The following FGGY variants were observed in gnomAD, a reference collection of about 807,000 sequenced individuals.
The protein encoded by FGGY is FGGY carbohydrate kinase domain containing, also known as FGGY carbohydrate kinase domain-containing protein.
Under a neutral mutation model 71.3 loss-of-function variants are expected in FGGY, and 72 were observed. That is an observed-to-expected ratio of 1.01 (90% CI 0.84 to 1.23). FGGY has a LOEUF of 1.23. Among genes scored for constraint, FGGY ranks in the 50% most tolerant of loss-of-function variants. The probability of loss-of-function intolerance (pLI) is 0.00; values close to 1 mark genes in which losing one functional copy is unlikely to be tolerated. For synonymous variants in FGGY, 251 were observed against 250.3 expected (o/e 1.00, Z -0.02); for missense variants, 668 against 682.3 (o/e 0.98, Z 0.23).
At chr1:59,304,263 A>G (rs1182968393) in intron 1 of FGGY, among the ~76,000 whole-genome samples, 2 of 152,044 alleles carry the variant, frequency 1.3e-5, no homozygotes, top group African/African-American at 4.8e-5. Context: ...TGTATAGTAT[A>G]AGGGTTCAAT....
rs532734870 is a variant in FGGY, at chr1:59,321,829, A to G, written c.201+79A>G. The stretch of plus-strand genomic sequence containing the variant: ...CGTGTGTCAATCTGGTGCCGTAAAC[A>G]ATGTTGGGGTAACTTTAGATGCAGA... On this transcript the variant is annotated intron_variant, in intron 2 of 15. Transcript: ENST00000303721. The G allele has an allele frequency of 6.3e-6, 9 of 1,431,394 alleles. No homozygotes were observed. In the South Asian group the frequency reaches 1.0e-4, roughly 16 times the overall value. The allele number at this position is 1,431,394 out of a possible 1,614,324, so 88.7% of individuals were successfully genotyped here.
intron 14 of FGGY, among the ~76,000 whole-genome samples, chr1:59,737,524 T>A (rs1017390722): frequency 6.6e-6 from 1 of 152,184 alleles, no homozygotes; most frequent in African/African-American, 2.4e-5. Flanking sequence ...AGACATGGAG[T>A]CAAAGGAGAT....
intron 9 of FGGY, among the ~76,000 whole-genome samples, chr1:59,623,452 C>T (rs1426148049): frequency 6.6e-6 from 1 of 152,124 alleles, no homozygotes; most frequent in Admixed American, 6.5e-5. Context: ...GTGGTAAGTG[C>T]CACCAAGGAG....
chr1:59,698,927 C>T (rs1184186043), intron 14 of FGGY: 2 of 985,242 alleles, frequency 2.0e-6, no homozygotes, highest in African/African-American at 3.5e-5. Context: ...ATGCTCCTAG[C>T]AGCCAGGTAT....
chr1:59,370,352 G>C (rs2057381088), intron 4 of FGGY, among the ~76,000 whole-genome samples: 1 of 152,056 alleles, frequency 6.6e-6, no homozygotes, highest in Admixed American at 6.6e-5. Flanking sequence ...GGGAAGTTTA[G>C]AGAAAAAAGA....
At chr1:59,417,909 G>A (rs916550116) in intron 5 of FGGY, among the ~76,000 whole-genome samples, 1 of 152,200 alleles carries the variant, frequency 6.6e-6, no homozygotes, top group Non-Finnish European at 1.5e-5. Flanking sequence ...CTCAGTTGCT[G>A]TGTGTGGATA....
intron 14 of FGGY, among the ~76,000 whole-genome samples, chr1:59,750,651 G>C (rs1466463066): frequency 6.6e-6 from 1 of 152,114 alleles, no homozygotes; most frequent in East Asian, 1.9e-4. Context: ...ATTCATGGGG[G>C]TTACACAGAA....
At chr1:59,636,171 G>A (rs1467847870) in intron 10 of FGGY, among the ~76,000 whole-genome samples, 2 of 152,020 alleles carry the variant, frequency 1.3e-5, no homozygotes, top group East Asian at 3.9e-4. Flanking sequence ...AGGGCGGTTG[G>A]GCTGCCCTCA....
intron 6 of FGGY, among the ~76,000 whole-genome samples, chr1:59,490,560 G>A (rs1038607911): frequency 1.3e-5 from 2 of 152,100 alleles, no homozygotes; most frequent in Non-Finnish European, 2.9e-5. Context: ...TTTGTTGCCT[G>A]TGCTTTTTAG....
chr1:59,707,431 G>C (rs1438115797), intron 14 of FGGY, among the ~76,000 whole-genome samples: 2 of 152,210 alleles, frequency 1.3e-5, no homozygotes, highest in Middle Eastern at 3.2e-3. Flanking sequence ...GTGTTTCTCA[G>C]GGTGAACAGA....
At chr1:59,427,409 C>T (rs1468644870) in intron 5 of FGGY, among the ~76,000 whole-genome samples, 1 of 152,148 alleles carries the variant, frequency 6.6e-6, no homozygotes, top group Admixed American at 6.5e-5. Flanking sequence ...TACTCATGAC[C>T]GAATGAGACA....
At chr1:59,375,118 G>C (rs2058434547) in intron 4 of FGGY, among the ~76,000 whole-genome samples, 1 of 151,226 alleles carries the variant, frequency 6.6e-6, no homozygotes, top group Admixed American at 6.6e-5. Flanking sequence ...AAAATGGCAG[G>C]GTGTGGTGGC....
At chr1:59,686,322 G>A (rs571254011) in intron 14 of FGGY, among the ~76,000 whole-genome samples, 1 of 152,118 alleles carries the variant, frequency 6.6e-6, no homozygotes, top group East Asian at 1.9e-4. Context: ...TACAAGCCTG[G>A]CATCAGAGAA....
intron 6 of FGGY, among the ~76,000 whole-genome samples, chr1:59,509,067 G>C (rs976679565): frequency 6.6e-6 from 1 of 152,200 alleles, no homozygotes; most frequent in Non-Finnish European, 1.5e-5. Context: ...CCTGGGAGGT[G>C]CATCACCTTG....
At chr1:59,428,831 T>C (rs1426834691) in intron 5 of FGGY, among the ~76,000 whole-genome samples, 1 of 152,178 alleles carries the variant, frequency 6.6e-6, no homozygotes, top group Non-Finnish European at 1.5e-5. Flanking sequence ...GAGTCCTGAG[T>C]GGACCACATG....
chr1:59,423,553 C>G (rs1185791590), intron 5 of FGGY, among the ~76,000 whole-genome samples: 3 of 152,188 alleles, frequency 2.0e-5, no homozygotes, highest in African/African-American at 7.2e-5. Flanking sequence ...TTCCGGCCCA[C>G]TTTTCTCAGG....
At chr1:59,329,445 A>C (rs1345229959) in intron 2 of FGGY, among the ~76,000 whole-genome samples, 1 of 146,134 alleles carries the variant, frequency 6.8e-6, no homozygotes, top group Non-Finnish European at 1.6e-5. Flanking sequence ...TTTGTAAAAA[A>C]TGTAATATCT....
intron 14 of FGGY, among the ~76,000 whole-genome samples, chr1:59,728,485 T>C (rs2097978031): frequency 6.6e-6 from 1 of 152,102 alleles, no homozygotes; most frequent in Admixed American, 6.5e-5. Context: ...TTATTTCTTC[T>C]CTGATGCTTT....
chr1:59,631,809 G>A (rs1326338889), intron 10 of FGGY, among the ~76,000 whole-genome samples: 3 of 152,198 alleles, frequency 2.0e-5, no homozygotes, highest in African/African-American at 7.2e-5. Flanking sequence ...AGAACTGGAT[G>A]TGCCCGTACA....
Sources: gnomAD v4.1 joint callset for allele counts (sites outside exome capture counted in the v4.1 genomes callset) on GRCh38, gnomAD v4.1.1 for gene constraint, MANE v1.5 for transcripts, NCBI Gene and HGNC (gene_info 2026-07-23, HGNC 2026-07-21) for gene names.